The following NKAIN2 variants were observed in gnomAD, a reference collection of about 807,000 sequenced individuals.
The protein encoded by NKAIN2 is sodium/potassium-transporting ATPase subunit beta-1-interacting protein 2.
NKAIN2 carries 14 observed loss-of-function variants against 32.6 expected under a neutral mutation model. The ratio of observed to expected loss-of-function variants is 0.43; its 90% confidence interval spans 0.28 to 0.67. NKAIN2 has a LOEUF of 0.67. Ranked by LOEUF, NKAIN2 falls within the 30% of genes least tolerant of loss-of-function variation. The pLI is 0.17. For missense variants in NKAIN2, 198 were observed against 258.3 expected, an observed-to-expected ratio of 0.77 and a Z score of 1.60; for synonymous variants, 80 against 87.2, an observed-to-expected ratio of 0.92 and a Z score of 0.46.
intron 1 of NKAIN2, among the ~76,000 whole-genome samples, chr6:123,809,418 A>G (rs975670328): frequency 1.2e-4 from 19 of 152,100 alleles, no homozygotes; most frequent in African/African-American, 4.6e-4. Context: ...TATATGAAGC[A>G]TTTGTTCTTA....
At chr6:124,299,069 A>G (rs1796185655) in intron 2 of NKAIN2, among the ~76,000 whole-genome samples, 1 of 152,208 alleles carries the variant, frequency 6.6e-6, no homozygotes, top group South Asian at 2.1e-4. Context: ...TGGCAGGCAG[A>G]AAGAGACACT....
At chr6:124,541,335 G>T (rs1271629791) in intron 3 of NKAIN2, among the ~76,000 whole-genome samples, 1 of 152,160 alleles carries the variant, frequency 6.6e-6, no homozygotes, top group Non-Finnish European at 1.5e-5. Context: ...AAAATAGCAT[G>T]AGCAGCTAAC....
chr6:124,378,803 A>G (rs1284659646), intron 3 of NKAIN2, among the ~76,000 whole-genome samples: 1 of 151,848 alleles, frequency 6.6e-6, no homozygotes, highest in Non-Finnish European at 1.5e-5. Context: ...CAGTTAAAGA[A>G]TGAGGACTGA....
At chr6:124,092,209 C>T (rs569125736) in intron 1 of NKAIN2, among the ~76,000 whole-genome samples, 17 of 152,028 alleles carry the variant, frequency 1.1e-4, no homozygotes, top group Middle Eastern at 6.8e-3. Flanking sequence ...GAAAATATTT[C>T]GGCGTTTTTT....
intron 3 of NKAIN2, among the ~76,000 whole-genome samples, chr6:124,387,632 AT>A (rs1223003706): frequency 1.3e-5 from 2 of 152,028 alleles, no homozygotes; most frequent in Admixed American, 6.6e-5. Context: ...GCAAAATTGG[AT>A]TTTTTTCAAA....
chr6:124,658,126 C>T, intron 3 of NKAIN2, 60 bp from the exon 4 acceptor site: 2 of 1,337,834 alleles, frequency 1.5e-6, no homozygotes, highest in Non-Finnish European at 2.1e-6. Flanking sequence ...AAGTCAGTCC[C>T]AAGTAAGCTG....
At chr6:124,762,562 T>G (rs1222237220) in intron 4 of NKAIN2, among the ~76,000 whole-genome samples, 1 of 152,116 alleles carries the variant, frequency 6.6e-6, no homozygotes, top group African/African-American at 2.4e-5. Flanking sequence ...ACTCTAAAGA[T>G]TAGGTTACAA....
At chr6:124,373,724 T>C (rs1799869018) in intron 3 of NKAIN2, among the ~76,000 whole-genome samples, 1 of 152,020 alleles carries the variant, frequency 6.6e-6, no homozygotes, top group Admixed American at 6.6e-5. Context: ...CAGGGAAGGA[T>C]GATAAATTGG....
chr6:123,940,147 A>G (rs1051650840), intron 1 of NKAIN2, among the ~76,000 whole-genome samples: 4 of 151,928 alleles, frequency 2.6e-5, no homozygotes, highest in South Asian at 4.1e-4. Context: ...TGAGAGTGCT[A>G]GGAATCTGCT....
intron 1 of NKAIN2, among the ~76,000 whole-genome samples, chr6:124,067,655 A>G (rs144307588): frequency 1.3e-5 from 2 of 152,296 alleles, no homozygotes; most frequent in African/African-American, 2.4e-5. Flanking sequence ...GTTGTATTCA[A>G]TTTCTCTGTG....
chr6:124,033,695 T>C (rs1037453156), intron 1 of NKAIN2, among the ~76,000 whole-genome samples: 1 of 152,122 alleles, frequency 6.6e-6, no homozygotes, highest in Non-Finnish European at 1.5e-5. Flanking sequence ...TCTGCAACAC[T>C]GTTGGGAATT....
chr6:124,671,781 C>T (rs1773112819), intron 4 of NKAIN2, among the ~76,000 whole-genome samples: 1 of 151,922 alleles, frequency 6.6e-6, no homozygotes, highest in Non-Finnish European at 1.5e-5. Context: ...TCTCTTCGTT[C>T]TCTTAATGGC....
At chr6:124,438,809 A>G (rs961986938) in intron 3 of NKAIN2, among the ~76,000 whole-genome samples, 4 of 151,938 alleles carry the variant, frequency 2.6e-5, no homozygotes, top group Non-Finnish European at 4.4e-5. Context: ...TTCTTGAAAC[A>G]TTTTCTTTCC....
intron 4 of NKAIN2, among the ~76,000 whole-genome samples, chr6:124,779,380 G>T (rs571763815): frequency 3.4e-4 from 49 of 143,960 alleles, no homozygotes; most frequent in South Asian, 4.5e-4. Context: ...AGGAAGGAAG[G>T]AAGTCCTCCT....
At chr6:124,104,196 G>A (rs1785015773) in intron 1 of NKAIN2, among the ~76,000 whole-genome samples, 1 of 152,204 alleles carries the variant, frequency 6.6e-6, no homozygotes, top group African/African-American at 2.4e-5. Context: ...ATGAAACGGT[G>A]AAGAAATGCT....
intron 1 of NKAIN2, among the ~76,000 whole-genome samples, chr6:124,016,147 A>G (rs1780564684): frequency 6.6e-6 from 1 of 152,176 alleles, no homozygotes; most frequent in Admixed American, 6.5e-5. Context: ...TGCCAATACC[A>G]GACCTCTCTT....
In NKAIN2 at chr6:124,659,685, G is replaced by T. The variant is rs573444980; in HGVS notation, c.474+1299G>T. On this transcript the variant is annotated intron_variant, in intron 4 of 6. Transcript: ENST00000368417. ...GTAGCCAGTATCTCCATCATCATGG[G>T]TTACTGTGCCAGAAAGTAATAATAG... Among the ~76,000 whole-genome samples the T allele has an allele frequency of 2.8e-4, 42 of 152,200 alleles. No individual in the cohort carries two copies. The South Asian group carries it at 7.9e-3, about 29-fold the overall frequency.
chr6:124,405,039 C>T (rs1210698393), intron 3 of NKAIN2, among the ~76,000 whole-genome samples: 3 of 152,060 alleles, frequency 2.0e-5, no homozygotes, highest in Non-Finnish European at 4.4e-5. Context: ...GAATGAATGC[C>T]GTGTACAAAC....
chr6:124,005,173 C>T (rs1284434036), intron 1 of NKAIN2, among the ~76,000 whole-genome samples: 1 of 151,996 alleles, frequency 6.6e-6, no homozygotes, highest in African/African-American at 2.4e-5. Flanking sequence ...TGCAGTGAGC[C>T]GAGATCTCGC....
Sources: allele counts gnomAD v4.1 joint callset (sites outside exome capture counted in the v4.1 genomes callset), GRCh38; gene constraint gnomAD v4.1.1; transcripts MANE v1.5; gene names NCBI Gene and HGNC (gene_info 2026-07-23, HGNC 2026-07-21).